SLC44A5: variants seen among roughly 807,000 people sequenced by gnomAD.
The protein encoded by SLC44A5 is solute carrier family 44 member 5, also known as choline transporter-like protein 5.
Under a neutral mutation model 101.8 loss-of-function variants are expected in SLC44A5, and 57 were observed. The ratio of observed to expected loss-of-function variants is 0.56; its 90% confidence interval spans 0.45 to 0.70. SLC44A5 has a LOEUF of 0.70. Among genes scored for constraint, SLC44A5 ranks in the 30% least tolerant of loss-of-function variants. SLC44A5 has a pLI of 0.00. For synonymous variants in SLC44A5, 281 were observed against 290.9 expected, an observed-to-expected ratio of 0.97 and a Z score of 0.35; for missense variants, 737 against 853.1, an observed-to-expected ratio of 0.86 and a Z score of 1.70.
At chr1:75,409,596 T>A (rs1327466267) in intron 2 of SLC44A5, among the ~76,000 whole-genome samples, 1 of 152,090 alleles carries the variant, frequency 6.6e-6, no homozygotes. Context: ...TAGAGAGTTT[T>A]GGTTGAATAA....
At chr1:75,250,486 A>C (rs772611481) in intron 7 of SLC44A5, among the ~76,000 whole-genome samples, 1 of 152,180 alleles carries the variant, frequency 6.6e-6, no homozygotes, top group African/African-American at 2.4e-5. Flanking sequence ...TCATTTTAGT[A>C]GAATGATTTA....
Position 75,275,648 on chromosome 1 carries a change from T to C in SLC44A5, c.176-606A>G, listed in dbSNP as rs114890126. On this transcript the variant is annotated intron_variant, in intron 5 of 23. Transcript: ENST00000370859. The stretch of plus-strand genomic sequence containing the variant: ...AAGTATCAAGTGATCTCAAACTTCA[T>C]GAAAACTAAGGACTTGATTTTCTAT... Among the ~76,000 whole-genome samples the C allele has an allele frequency of 5.4e-3, 819 of 152,284 alleles. 9 individuals carry two copies. Among genetic ancestry groups the C allele is most frequent in the African/African-American group, 0.019 (790 of 41,584 alleles).
the SLC44A5 span, among the ~76,000 whole-genome samples, chr1:75,667,454 G>A: frequency 6.7e-3 from 1,024 of 152,158 alleles, 16 homozygotes; most frequent in Admixed American, 0.037. Flanking sequence ...GAAAAATATT[G>A]CATTCTCATG....
At chr1:75,502,986 A>G (rs1334828256) in intron 2 of SLC44A5, among the ~76,000 whole-genome samples, 2 of 152,130 alleles carry the variant, frequency 1.3e-5, no homozygotes, top group Non-Finnish European at 2.9e-5. Flanking sequence ...TTCCTTGCTT[A>G]CGTCACAGAG....
intron 3 of SLC44A5, among the ~76,000 whole-genome samples, chr1:75,351,707 G>C (rs1290665837): frequency 6.6e-6 from 1 of 151,932 alleles, no homozygotes; most frequent in Non-Finnish European, 1.5e-5. Flanking sequence ...GATGGAACTA[G>C]AGTGGTTGTA....
intron 1 of SLC44A5, among the ~76,000 whole-genome samples, chr1:75,589,099 T>TTC (rs140546743): frequency 1.4e-3 from 209 of 150,662 alleles, no homozygotes; most frequent in African/African-American, 2.2e-3. Context: ...CCCTCTCTCT[T>TTC]TCTCTCTCTC....
At chr1:75,280,753 C>A (rs1652473595) in intron 5 of SLC44A5, among the ~76,000 whole-genome samples, 1 of 151,490 alleles carries the variant, frequency 6.6e-6, no homozygotes, top group Admixed American at 6.6e-5. Context: ...GGGACATTTC[C>A]CCCCTTCACC....
intron 2 of SLC44A5, among the ~76,000 whole-genome samples, chr1:75,472,058 T>C (rs1667141168): frequency 7.3e-6 from 1 of 137,376 alleles, no homozygotes. Flanking sequence ...TTCAGGACAA[T>C]AGGCAGAGCA....
intron 23 of SLC44A5, chr1:75,206,250 G>C (rs563415684): frequency 5.5e-6 from 1 of 181,512 alleles, no homozygotes; most frequent in East Asian, 1.5e-4. Context: ...CACATTTATA[G>C]TGTTTTCAAA....
chr1:75,548,310 T>C (rs1275426803), intron 1 of SLC44A5, among the ~76,000 whole-genome samples: 4 of 152,148 alleles, frequency 2.6e-5, no homozygotes, highest in African/African-American at 9.7e-5. Context: ...AGAAAATGGA[T>C]CGATCTAATA....
intron 2 of SLC44A5, among the ~76,000 whole-genome samples, chr1:75,429,486 A>G (rs1460876553): frequency 1.3e-5 from 2 of 152,198 alleles, no homozygotes; most frequent in African/African-American, 4.8e-5. Context: ...ATGTCTAAGC[A>G]CTGATCCATT....
chr1:75,710,857 G>T, the SLC44A5 span, among the ~76,000 whole-genome samples: 2 of 152,158 alleles, frequency 1.3e-5, no homozygotes, highest in Non-Finnish European at 2.9e-5. Context: ...AAACCAGAAG[G>T]CAGGTCTTAG....
At chr1:75,356,209 CAAAAAAAAA>C (rs35660365) in intron 3 of SLC44A5, among the ~76,000 whole-genome samples, 1,416 of 76,120 alleles carry the variant, frequency 0.019, 35 homozygotes, top group African/African-American at 0.07. Context: ...AAGACTGCCT[CAAAAAAAAA>C]AAAAAAAAAA....
At chr1:75,247,885 G>A (rs916470798) in intron 7 of SLC44A5, among the ~76,000 whole-genome samples, 14 of 151,820 alleles carry the variant, frequency 9.2e-5, no homozygotes, top group African/African-American at 3.4e-4. Context: ...GATTTAGATA[G>A]ATAAATGTGG....
chr1:75,678,762 G>A, the SLC44A5 span, among the ~76,000 whole-genome samples: 1 of 152,050 alleles, frequency 6.6e-6, no homozygotes, highest in Non-Finnish European at 1.5e-5. Flanking sequence ...GCTGCACGGA[G>A]AATGACTTTG....
chr1:75,565,890 G>T (rs564737126), intron 1 of SLC44A5, among the ~76,000 whole-genome samples: 1 of 152,260 alleles, frequency 6.6e-6, no homozygotes, highest in East Asian at 1.9e-4. Flanking sequence ...AGTAGCATCT[G>T]AAATACAAAT....
the SLC44A5 span, among the ~76,000 whole-genome samples, chr1:75,644,300 T>A: frequency 6.6e-6 from 1 of 152,106 alleles, no homozygotes; most frequent in East Asian, 1.9e-4. Flanking sequence ...TGTGCATTTA[T>A]GTATATTTAA....
intron 14 of SLC44A5, among the ~76,000 whole-genome samples, chr1:75,221,869 G>C (rs1170510922): frequency 1.3e-5 from 2 of 151,826 alleles, no homozygotes; most frequent in East Asian, 3.9e-4. Context: ...TAAAGGACTT[G>C]TTAGTGGTGA....
At chr1:75,698,897 G>C in the SLC44A5 span, among the ~76,000 whole-genome samples, 1 of 152,280 alleles carries the variant, frequency 6.6e-6, no homozygotes, top group East Asian at 1.9e-4. Flanking sequence ...GGAAGACAGG[G>C]TATCAGCGAT....
Sources: gnomAD v4.1 joint callset for allele counts (sites outside exome capture counted in the v4.1 genomes callset) on GRCh38, gnomAD v4.1.1 for gene constraint, MANE v1.5 for transcripts, NCBI Gene and HGNC (gene_info 2026-07-23, HGNC 2026-07-21) for gene names.